The following CAMTA1 variants were observed in gnomAD, a reference collection of about 807,000 sequenced individuals.
The protein encoded by CAMTA1 is calmodulin binding transcription activator 1.
A neutral mutation model predicts 170.9 loss-of-function variants in CAMTA1; 27 were observed. That is an observed-to-expected ratio of 0.16 (90% confidence interval 0.12 to 0.22). The LOEUF is 0.22. CAMTA1 is among the 10% of genes least tolerant of loss of function. The pLI is 1.00. For missense variants in CAMTA1, 1,619 were observed against 2,217.2 expected, an observed-to-expected ratio of 0.73 and a Z score of 5.42; for synonymous variants, 833 against 891.5, an observed-to-expected ratio of 0.93 and a Z score of 1.17.
chr1:6,979,040 G>A (rs977902079), intron 3 of CAMTA1, among the ~76,000 whole-genome samples: 3 of 152,202 alleles, frequency 2.0e-5, no homozygotes, highest in African/African-American at 4.8e-5. Flanking sequence ...AGACACAGAG[G>A]AGACAGGCTG....
chr1:7,504,147 C>T (rs2478272), intron 6 of CAMTA1, among the ~76,000 whole-genome samples: 123,620 of 152,140 alleles, frequency 0.81, 50,615 homozygotes, highest in Middle Eastern at 0.92. Context: ...GTCCTCACTG[C>T]GGGGAACGGG....
At chr1:6,945,626 G>A (rs1450443237) in intron 3 of CAMTA1, among the ~76,000 whole-genome samples, 5 of 152,114 alleles carry the variant, frequency 3.3e-5, no homozygotes, top group East Asian at 1.9e-4. Context: ...GATTACAGGC[G>A]TGAACCACTG....
Position 7,064,360 on chromosome 1 carries a change from A to G in CAMTA1, c.235-26944A>G, listed in dbSNP as rs1475418774. Among the ~76,000 whole-genome samples the G allele has an allele frequency of 1.3e-5, 2 of 152,168 alleles. No individual in the cohort carries two copies. The highest frequency in any genetic ancestry group is 4.8e-5 in the African/African-American group (2 of 41,438). On this transcript the variant is annotated intron_variant, in intron 3 of 22. Coordinates refer to ENST00000303635, the MANE Select transcript of CAMTA1 (RefSeq NM_015215.4). The surrounding 1 kb of genome is among the most constrained non-coding windows in gnomAD (Gnocchi z 5.4). Reference sequence around the variant, plus strand: ...TACCTTCATGACTTGTCTCATATTAATTAGCTTCTGAAGATCTCACCTCCA... The same window carrying G: ...TACCTTCATGACTTGTCTCATATTAGTTAGCTTCTGAAGATCTCACCTCCA...
chr1:7,655,035 C>G (rs1443815547), intron 7 of CAMTA1, among the ~76,000 whole-genome samples: 1 of 148,830 alleles, frequency 6.7e-6, no homozygotes, highest in African/African-American at 2.5e-5. Context: ...CACAAACACA[C>G]CCACCTATAC....
chr1:7,242,640 C>A (rs376351424), intron 4 of CAMTA1, among the ~76,000 whole-genome samples: 2 of 152,162 alleles, frequency 1.3e-5, no homozygotes, highest in South Asian at 2.1e-4. Context: ...AAAAACTTGA[C>A]CCCTTCAGCC....
chr1:7,331,056 A>T (rs905725906), intron 5 of CAMTA1, among the ~76,000 whole-genome samples: 8 of 152,216 alleles, frequency 5.3e-5, no homozygotes, highest in Non-Finnish European at 7.3e-5. Context: ...CCTGGCCAAC[A>T]TGGCAAAACC....
intron 1 of CAMTA1, among the ~76,000 whole-genome samples, chr1:6,803,189 A>G (rs1570150883): frequency 6.6e-6 from 1 of 152,192 alleles, no homozygotes; most frequent in Non-Finnish European, 1.5e-5. Flanking sequence ...TCCACAGTTC[A>G]GCTATTTGGG....
chr1:6,823,844 T>G (rs1471584848), intron 2 of CAMTA1, among the ~76,000 whole-genome samples: 1 of 152,208 alleles, frequency 6.6e-6, no homozygotes, highest in East Asian at 1.9e-4. Flanking sequence ...AACCAATGCC[T>G]GTATACTTAT....
intron 5 of CAMTA1, among the ~76,000 whole-genome samples, chr1:7,274,596 G>A (rs1387039109): frequency 6.6e-6 from 1 of 152,014 alleles, no homozygotes; most frequent in Non-Finnish European, 1.5e-5. Context: ...CGATCTAATT[G>A]ACATTTTTGA....
intron 3 of CAMTA1, among the ~76,000 whole-genome samples, chr1:6,867,110 A>T (rs1466520425): frequency 6.6e-6 from 1 of 152,162 alleles, no homozygotes. Flanking sequence ...TGTCTTGTAC[A>T]TTTTGCAAGT....
chr1:7,550,683 ACT>A (rs2094787672), intron 6 of CAMTA1, among the ~76,000 whole-genome samples: 1 of 120,836 alleles, frequency 8.3e-6, no homozygotes, highest in African/African-American at 3.3e-5. Flanking sequence ...CCCCTACCTG[ACT>A]CTGTCTCACA....
chr1:7,440,076 C>G lies in CAMTA1; in HGVS notation c.439-27754C>G, dbSNP rs72858903. On this transcript the variant is annotated intron_variant, in intron 5 of 22. Transcript: ENST00000303635. Reference sequence around the variant, plus strand: ...ACCCGCACTGGGCATCCCATGTGCCCCACATCTCTGGCACATTAGCCCATG... The same window carrying G: ...ACCCGCACTGGGCATCCCATGTGCCGCACATCTCTGGCACATTAGCCCATG... Among the ~76,000 whole-genome samples, 1,342 of 152,376 alleles carry G rather than the reference C, an allele frequency of 8.8e-3. 14 individuals are homozygous for G. Among genetic ancestry groups the G allele is most frequent in the African/African-American group, 0.031 (1,281 of 41,592 alleles).
chr1:7,232,016 C>G (rs1370697160), intron 4 of CAMTA1, among the ~76,000 whole-genome samples: 1 of 152,204 alleles, frequency 6.6e-6, no homozygotes, highest in Admixed American at 6.5e-5. Context: ...CATGCGATGC[C>G]GGGGAGGACT....
chr1:7,264,044 T>C (rs1280530106), intron 5 of CAMTA1, among the ~76,000 whole-genome samples: 1 of 152,014 alleles, frequency 6.6e-6, no homozygotes, highest in Non-Finnish European at 1.5e-5. Context: ...AACTTGGGGG[T>C]CAGCTCAGTG....
Position 7,698,715 on chromosome 1 carries a change from G to A in CAMTA1, c.2914+20982G>A, listed in dbSNP as rs1444560575. 3 of 152,268 alleles carry A rather than the reference G, an allele frequency of 2.0e-5. No homozygotes were observed. In the East Asian group the frequency reaches 5.8e-4, roughly 29 times the overall value. The allele number at this position is 152,268 out of a possible 1,614,324, so 9.4% of individuals were successfully genotyped here. A position where few individuals can be genotyped will look rare whatever the true frequency, so the allele number is the denominator to read the frequency against. The stretch of plus-strand genomic sequence containing the variant: ...AAGTTCTGAATGCTGTTCTCGCCAG[G>A]ATCCCCAGCTGTCAGGGACATCATC... On this transcript the variant is annotated intron_variant, in intron 11 of 22. Transcript: ENST00000303635.
At chr1:7,706,440 G>A (rs2096526102) in intron 11 of CAMTA1, among the ~76,000 whole-genome samples, 1 of 152,188 alleles carries the variant, frequency 6.6e-6, no homozygotes, top group South Asian at 2.1e-4. Context: ...GAAGTGTTCC[G>A]TTTCCCTGCA....
At chr1:7,474,694 C>A (rs983169072) in intron 6 of CAMTA1, among the ~76,000 whole-genome samples, 9 of 152,224 alleles carry the variant, frequency 5.9e-5, no homozygotes, top group African/African-American at 2.2e-4. Context: ...GCCTCTCTAC[C>A]CTTCATACCA....
chr1:7,466,818 T>A (rs2093221659), intron 5 of CAMTA1, among the ~76,000 whole-genome samples: 1 of 152,142 alleles, frequency 6.6e-6, no homozygotes, highest in South Asian at 2.1e-4. Flanking sequence ...GCCCCTGGCT[T>A]TGGTGGGGGC....
At chr1:7,018,934 C>T (rs545480378) in intron 3 of CAMTA1, among the ~76,000 whole-genome samples, 11 of 152,284 alleles carry the variant, frequency 7.2e-5, no homozygotes, top group East Asian at 1.9e-4. Context: ...AGAGAAGGCC[C>T]GTCTGCAGAG....
Sources: gnomAD v4.1 joint callset for allele counts (sites outside exome capture counted in the v4.1 genomes callset) on GRCh38, gnomAD v4.1.1 for gene constraint, Gnocchi (gnomAD v3.1) non-coding constraint, MANE v1.5 for transcripts, NCBI Gene and HGNC (gene_info 2026-07-23, HGNC 2026-07-21) for gene names.